Variants in TENM3 observed in about 807,000 individuals in gnomAD.
TENM3 encodes the protein teneurin-3.
In TENM3, 63 loss-of-function variants were observed where a neutral mutation model predicts 255.1. The observed-to-expected ratio is 0.25, with a 90% CI of 0.20 to 0.30. The LOEUF is 0.30. Ranked by LOEUF, TENM3 falls within the 10% of genes least tolerant of loss-of-function variation. The probability of loss-of-function intolerance (pLI) is 1.00; values close to 1 mark genes in which losing one functional copy is unlikely to be tolerated. For missense variants in TENM3, 2,929 were observed against 3,461.1 expected (o/e 0.85, Z 3.86); for synonymous variants, 1,306 against 1,322.3 (o/e 0.99, Z 0.27).
chr4:182,591,456 T>C (rs1455571739), intron 3 of TENM3, among the ~76,000 whole-genome samples: 1 of 152,224 alleles, frequency 6.6e-6, no homozygotes, highest in Admixed American at 6.5e-5. Flanking sequence ...GGGCATTTCA[T>C]ACTCAGTGTC....
At chr4:182,474,073 A>G (rs902188779) in intron 3 of TENM3, among the ~76,000 whole-genome samples, 6 of 152,208 alleles carry the variant, frequency 3.9e-5, no homozygotes, top group Non-Finnish European at 8.8e-5. Flanking sequence ...TAGAATGGGC[A>G]TTGCCTCATG....
At chr4:182,228,392 G>GTGTGTGTGTGTGTGTGTGTA (rs139457090) in intron 1 of TENM3, among the ~76,000 whole-genome samples, 1 of 104,426 alleles carries the variant, frequency 9.6e-6, no homozygotes, top group African/African-American at 4.5e-5. Flanking sequence ...GTGTGTGTGT[G>GTGTGTGTGTGTGTGTGTGTA]TATATGTAAT....
chr4:181,556,325 G>A, the TENM3 span, among the ~76,000 whole-genome samples: 369 of 152,054 alleles, frequency 2.4e-3, 1 homozygote, highest in African/African-American at 8.2e-3. Context: ...ATGCCTGATA[G>A]CTTACTAATT....
the TENM3 span, among the ~76,000 whole-genome samples, chr4:181,485,022 T>C: frequency 6.6e-6 from 1 of 152,100 alleles, no homozygotes; most frequent in Admixed American, 6.5e-5. Context: ...AATAAAAGAT[T>C]ACCCCAAATA....
intron 22 of TENM3, among the ~76,000 whole-genome samples, chr4:182,768,070 T>C (rs1334521894): frequency 6.6e-6 from 1 of 152,202 alleles, no homozygotes; most frequent in African/African-American, 2.4e-5. Context: ...AGGGTCAGGC[T>C]GAATTCTGGA....
At chr4:181,849,735 A>C in the TENM3 span, among the ~76,000 whole-genome samples, 1 of 152,098 alleles carries the variant, frequency 6.6e-6, no homozygotes, top group African/African-American at 2.4e-5. Flanking sequence ...ATTTTTCTAA[A>C]TTATCTTAGA....
intron 2 of TENM3, among the ~76,000 whole-genome samples, chr4:182,324,941 CTT>C (rs1376311200): frequency 6.6e-6 from 1 of 152,182 alleles, no homozygotes; most frequent in African/African-American, 2.4e-5. Flanking sequence ...ACTCCTGTAA[CTT>C]TACTTCACTC....
At chr4:182,265,215 A>G (rs1313762053) in intron 1 of TENM3, among the ~76,000 whole-genome samples, 1 of 152,158 alleles carries the variant, frequency 6.6e-6, no homozygotes, top group Admixed American at 6.5e-5. Context: ...ACTTAGCATT[A>G]TAAGAGAGCT....
At chr4:182,683,972 A>AG (rs921002810) in intron 11 of TENM3, among the ~76,000 whole-genome samples, 10 of 151,970 alleles carry the variant, frequency 6.6e-5, no homozygotes, top group Admixed American at 5.9e-4. Context: ...AGCAAGGAAA[A>AG]TTGGTGCTAA....
the TENM3 span, among the ~76,000 whole-genome samples, chr4:181,908,001 G>A: frequency 5.3e-5 from 8 of 152,078 alleles, no homozygotes; most frequent in Non-Finnish European, 1.0e-4. Flanking sequence ...AAGACAACGT[G>A]TATTTTTGAC....
chr4:181,526,846 T>TCC, the TENM3 span, among the ~76,000 whole-genome samples: 2 of 152,188 alleles, frequency 1.3e-5, no homozygotes, highest in Non-Finnish European at 2.9e-5. Flanking sequence ...TCTCCGAGCT[T>TCC]CTCTCTCTCT....
chr4:182,634,790 CT>C (rs1224954564), intron 5 of TENM3, among the ~76,000 whole-genome samples: 1 of 150,374 alleles, frequency 6.7e-6, no homozygotes, highest in African/African-American at 2.4e-5. Flanking sequence ...AGTCCATGTT[CT>C]GCGTCTGTTC....
At chr4:181,579,567 G>T in the TENM3 span, among the ~76,000 whole-genome samples, 1 of 152,036 alleles carries the variant, frequency 6.6e-6, no homozygotes, top group Non-Finnish European at 1.5e-5. Flanking sequence ...ATGAGTTATG[G>T]GTTTCTTAGT....
At chr4:181,905,678 A>AT in the TENM3 span, 1 of 181,650 alleles carries the variant, frequency 5.5e-6, no homozygotes, top group East Asian at 1.5e-4. Context: ...TTATTCATTC[A>AT]TTCTGTCACC....
intron 3 of TENM3, among the ~76,000 whole-genome samples, chr4:182,590,652 G>A (rs908365736): frequency 4.6e-5 from 7 of 151,028 alleles, no homozygotes; most frequent in African/African-American, 1.7e-4. Context: ...GAGATGAAGA[G>A]ATCAAGACCA....
intron 5 of TENM3, among the ~76,000 whole-genome samples, chr4:182,643,702 C>A (rs1392461189): frequency 2.0e-5 from 3 of 152,158 alleles, no homozygotes; most frequent in Non-Finnish European, 2.9e-5. Context: ...AATGTACTTA[C>A]CTATGTAATG....
chr4:181,708,056 G>T, the TENM3 span, among the ~76,000 whole-genome samples: 232 of 152,114 alleles, frequency 1.5e-3, no homozygotes, highest in South Asian at 7.9e-3. Flanking sequence ...TGTTACCTAT[G>T]ATTTTACTTT....
chr4:182,018,014 ATACAT>A, the TENM3 span, among the ~76,000 whole-genome samples: 2 of 152,226 alleles, frequency 1.3e-5, no homozygotes, highest in Non-Finnish European at 2.9e-5. Flanking sequence ...AGGCAGGAAA[ATACAT>A]TATATTATAT....
rs147071015 is a variant in TENM3, at chr4:182,475,329, T to C, written c.512-125595T>C. The stretch of plus-strand genomic sequence containing the variant: ...AAATATATCAGTGATTATCAAATTA[T>C]GTAAATACAAAACTGGTCGTGGAAT... On this transcript the variant is annotated intron_variant, in intron 3 of 27. Coordinates refer to ENST00000511685, the MANE Select transcript of TENM3 (RefSeq NM_001080477.4). Among the ~76,000 whole-genome samples the C allele has an allele frequency of 6.7e-4, 102 of 152,340 alleles. No individual in the cohort carries two copies. The East Asian group carries it at 0.017, about 26-fold the overall frequency.
Sources: gnomAD v4.1 joint callset for allele counts (sites outside exome capture counted in the v4.1 genomes callset) on GRCh38, gnomAD v4.1.1 for gene constraint, MANE v1.5 for transcripts, NCBI Gene and HGNC (gene_info 2026-07-23, HGNC 2026-07-21) for gene names.